The following TENM4 variants were observed in gnomAD, a reference collection of about 807,000 sequenced individuals.
TENM4 encodes the protein teneurin transmembrane protein 4.
TENM4 carries 82 observed loss-of-function variants against 243.3 expected under a neutral mutation model. The ratio of observed to expected loss-of-function variants is 0.34; its 90% CI spans 0.28 to 0.40. The LOEUF (loss-of-function observed/expected upper bound fraction) is 0.40. Among genes scored for constraint, TENM4 ranks in the 10% least tolerant of loss-of-function variants. The probability of loss-of-function intolerance (pLI) is 1.00; values close to 1 mark genes in which losing one functional copy is unlikely to be tolerated. For missense variants in TENM4, 3,138 were observed against 3,673.3 expected, an observed-to-expected ratio of 0.85 and a Z score of 3.77; for synonymous variants, 1,412 against 1,456.3, an observed-to-expected ratio of 0.97 and a Z score of 0.69.
intron 2 of TENM4, among the ~76,000 whole-genome samples, chr11:79,235,691 A>G (rs1274285843): frequency 6.6e-6 from 1 of 152,166 alleles, no homozygotes; most frequent in Non-Finnish European, 1.5e-5. Flanking sequence ...GTATGACTAT[A>G]AATAGTTATA....
At chr11:78,756,526 C>T (rs1476846292) in intron 19 of TENM4, 1 of 415,686 alleles carries the variant, frequency 2.4e-6, no homozygotes, top group South Asian at 2.4e-5. Flanking sequence ...GGGTATTGAT[C>T]CAAGATTCCC....
At chr11:79,314,083 G>A (rs1264207918) in intron 1 of TENM4, among the ~76,000 whole-genome samples, 4 of 152,282 alleles carry the variant, frequency 2.6e-5, no homozygotes, top group African/African-American at 9.6e-5. Flanking sequence ...AGGAGGACTG[G>A]ATTTGCAGTC....
chr11:79,022,089 G>A (rs548905521), intron 6 of TENM4, among the ~76,000 whole-genome samples: 2 of 152,304 alleles, frequency 1.3e-5, no homozygotes, highest in South Asian at 4.1e-4. Flanking sequence ...CCTAACATAA[G>A]CGTTAGGGAG....
intron 16 of TENM4, among the ~76,000 whole-genome samples, chr11:78,779,531 G>A (rs554635346): frequency 6.6e-6 from 1 of 152,204 alleles, no homozygotes; most frequent in East Asian, 1.9e-4. Context: ...TGGGTGTCTG[G>A]CTGTGTGTTT....
At chr11:78,999,512 T>A (rs1565161082) in intron 6 of TENM4, among the ~76,000 whole-genome samples, 1 of 151,656 alleles carries the variant, frequency 6.6e-6, no homozygotes, top group Non-Finnish European at 1.5e-5. Context: ...CGGGACTCCA[T>A]CTCAAAAAAC....
chr11:78,914,634 T>C (rs1468233546), intron 6 of TENM4, among the ~76,000 whole-genome samples: 1 of 152,086 alleles, frequency 6.6e-6, no homozygotes, highest in African/African-American at 2.4e-5. Context: ...CAGCCCCAAT[T>C]CTATACTCCC....
intron 2 of TENM4, among the ~76,000 whole-genome samples, chr11:79,266,130 C>G (rs1855880474): frequency 6.6e-6 from 1 of 152,200 alleles, no homozygotes; most frequent in Admixed American, 6.5e-5. Flanking sequence ...TGGCCTACGT[C>G]ATAAGACTTA....
intron 14 of TENM4, among the ~76,000 whole-genome samples, chr11:78,810,715 T>C (rs1857480514): frequency 6.6e-6 from 1 of 152,216 alleles, no homozygotes; most frequent in South Asian, 2.1e-4. Flanking sequence ...CAGACACTAA[T>C]CTCTTCTTGT....
chr11:79,009,742 C>A (rs764527816), intron 6 of TENM4, among the ~76,000 whole-genome samples: 3 of 152,182 alleles, frequency 2.0e-5, no homozygotes, highest in Non-Finnish European at 2.9e-5. Context: ...AAGTTAGTGG[C>A]AGGGCTAGTC....
At chr11:78,723,022 A>C in intron 23 of TENM4, 105 bp from the exon 24 acceptor site, 2 of 1,478,132 alleles carry the variant, frequency 1.4e-6, no homozygotes, top group Non-Finnish European at 1.8e-6. Context: ...CAAGATCTCC[A>C]TCAACCATTT....
intron 6 of TENM4, among the ~76,000 whole-genome samples, chr11:78,958,885 A>G (rs760731428): frequency 1.3e-5 from 2 of 152,238 alleles, no homozygotes; most frequent in Admixed American, 1.3e-4. Flanking sequence ...CAAGGTCTCA[A>G]ATTGGTGGAA....
At chr11:79,376,279 A>G (rs933062067) in intron 1 of TENM4, among the ~76,000 whole-genome samples, 4 of 152,234 alleles carry the variant, frequency 2.6e-5, no homozygotes, top group Non-Finnish European at 4.4e-5. Context: ...AGGTGAACTC[A>G]AAACAAGATC....
chr11:78,808,509 A>C (rs770855287), intron 14 of TENM4, among the ~76,000 whole-genome samples: 1 of 152,234 alleles, frequency 6.6e-6, no homozygotes. Flanking sequence ...AAGCACAGAG[A>C]AGTTAAATAA....
intron 18 of TENM4, among the ~76,000 whole-genome samples, chr11:78,760,176 T>C (rs1423996291): frequency 6.6e-6 from 1 of 152,204 alleles, no homozygotes; most frequent in Non-Finnish European, 1.5e-5. Flanking sequence ...ACAGTGACTG[T>C]ACTCCACAGA....
intron 2 of TENM4, among the ~76,000 whole-genome samples, chr11:79,280,533 G>A (rs1590847826): frequency 6.6e-6 from 1 of 152,162 alleles, no homozygotes; most frequent in South Asian, 2.1e-4. Context: ...GGGAAGAAGC[G>A]AGCCGGAGCA....
Position 78,672,184 on chromosome 11 carries a change from T to A in TENM4, c.5642A>T (p.Asn1881Ile). ...PSLWSPSSRL[N>I]GVNVTYSPGG... ...AGGGGAGTATGTCACGTTGACACCA[T>A]TCAGCCTGCTGCTGGGTGACCAGAG... The change falls in exon 31 of 34, where the codon AAT (asparagine) becomes ATT (isoleucine). Residue 1881 changes from asparagine (N) to isoleucine (I), a missense_variant. This residue lies in a region of TENM4 where 2,467 missense variants were observed against 3,059.1 expected (regional missense o/e 0.81). Transcript: ENST00000278550. The A allele has an allele frequency of 6.2e-7, 1 of 1,613,850 alleles. No homozygotes were observed. The highest frequency in any genetic ancestry group is 8.5e-7 in the Non-Finnish European group (1 of 1,179,844).
intron 15 of TENM4, among the ~76,000 whole-genome samples, chr11:78,800,656 C>A (rs1857262589): frequency 6.6e-6 from 1 of 151,806 alleles, no homozygotes; most frequent in Non-Finnish European, 1.5e-5. Flanking sequence ...GTCATTCATG[C>A]AATAATCACC....
At chr11:79,138,945 ATAT>A (rs1472227781) in intron 4 of TENM4, among the ~76,000 whole-genome samples, 1 of 107,496 alleles carries the variant, frequency 9.3e-6, no homozygotes, top group Non-Finnish European at 1.7e-5. Context: ...TATAAAATAT[ATAT>A]TATATTTCCA....
chr11:79,282,503 G>A (rs920413893), intron 2 of TENM4, among the ~76,000 whole-genome samples: 1 of 152,120 alleles, frequency 6.6e-6, no homozygotes, highest in Non-Finnish European at 1.5e-5. Flanking sequence ...TGGCTTCCAG[G>A]GTGCAATCTC....
Sources: allele counts gnomAD v4.1 joint callset (sites outside exome capture counted in the v4.1 genomes callset), GRCh38; gene constraint gnomAD v4.1.1; regional missense constraint gnomAD v4.1.1; transcripts MANE v1.5; gene names NCBI Gene and HGNC (gene_info 2026-07-23, HGNC 2026-07-21).